DCHS1: variants seen among roughly 807,000 people sequenced by gnomAD.
DCHS1 encodes the protein protocadherin-16.
DCHS1 carries 78 observed loss-of-function variants against 213.9 expected under a neutral mutation model. That is an observed-to-expected ratio of 0.36 (90% CI 0.30 to 0.44). The LOEUF (loss-of-function observed/expected upper bound fraction) is 0.44. DCHS1 is among the 20% of genes least tolerant of loss of function. DCHS1 has a pLI of 1.00. For missense variants in DCHS1, 3,946 were observed against 4,395.9 expected (o/e 0.90, Z 2.89); for synonymous variants, 1,828 against 1,873.7 (o/e 0.98, Z 0.63).
chr11:6,623,651 A>T lies in DCHS1; in HGVS notation c.8025T>A (p.Leu2675=). The T allele has an allele frequency of 6.2e-7, 1 of 1,613,830 alleles. No individual in the cohort carries two copies. Among genetic ancestry groups the T allele is most frequent in the East Asian group, 2.2e-5 (1 of 44,878 alleles). Residue 2675 remains leucine (L), a synonymous_variant, in exon 21 of 21, where the codon CTT becomes CTA. Transcript: ENST00000299441. ...LDCETQARHQ[L]VVQAADPAGA... is the part of the protein sequence containing the mutation. ...CAGCAGGGTCAGCAGCCTGTACTAC[A>T]AGCTGATGTCGAGCCTGGGTCTCAC... is the stretch of plus-strand genomic sequence containing the variant.
chr11:6,635,634 C>G (rs1479603803), intron 2 of DCHS1, among the ~76,000 whole-genome samples: 1 of 152,144 alleles, frequency 6.6e-6, no homozygotes, highest in African/African-American at 2.4e-5. Context: ...ATGGCTGAAC[C>G]CTGGAAACAG....
At chr11:6,654,313 T>C (rs1171319093) in intron 1 of DCHS1, among the ~76,000 whole-genome samples, 1 of 152,160 alleles carries the variant, frequency 6.6e-6, no homozygotes, top group Non-Finnish European at 1.5e-5. Context: ...ACCCACTATG[T>C]ATGGGCAGCT....
At chr11:6,633,751 G>A (rs1292781312) in intron 4 of DCHS1, 38 bp downstream of exon 4, 2 of 1,600,990 alleles carry the variant, frequency 1.2e-6, no homozygotes, top group Non-Finnish European at 1.7e-6. Flanking sequence ...TGGGGAGGGG[G>A]ACCTGGGGGA....
chr11:6,640,785 C>T lies in DCHS1; in HGVS notation c.829G>A (p.Val277Met), dbSNP rs1212651465. ...SLAPGSPVLQ[V>M]FASDADAGVN... is the part of the protein sequence containing the mutation. ...CCAGCATCGGCATCAGATGCGAACACCTGCAAGACAGGACTGCCAGGGGCC... is the reference window on the plus strand; with the variant it reads ...CCAGCATCGGCATCAGATGCGAACATCTGCAAGACAGGACTGCCAGGGGCC... Residue 277 changes from valine to methionine, a missense_variant, in exon 2 of 21, where the codon GTG (valine) becomes ATG (methionine). By Grantham distance (21) the Val-to-Met change is conservative. This residue lies in a region of DCHS1 where 3,384 missense variants were observed against 3,780.1 expected (regional missense o/e 0.90). Coordinates refer to ENST00000299441, the MANE Select transcript of DCHS1 (RefSeq NM_003737.4). The surrounding 1 kb of genome is among the most constrained non-coding windows in gnomAD (Gnocchi z 6.5). 1.2e-6 allele frequency: 2 copies of T among 1,613,918 alleles called. No homozygotes were observed. Among genetic ancestry groups the T allele is most frequent in the Admixed American group, 1.7e-5 (1 of 60,008 alleles).
chr11:6,623,915 T>C lies in DCHS1; in HGVS notation c.7761A>G (p.Pro2587=). ...TGACATCTAGTACAGTGACAGTGAC[T>C]GGCACGACTGAGCTTTGGGGTGGCT... ...RGQPPQSSVV[P]VTVTVLDVND... The change falls in exon 21 of 21, where the codon CCA becomes CCG. Residue 2587 remains proline (P), a synonymous_variant. Transcript: ENST00000299441. 6.2e-7 allele frequency: 1 copy of C among 1,608,508 alleles called. No homozygotes were observed. Among genetic ancestry groups the C allele is most frequent in the Non-Finnish European group, 8.5e-7 (1 of 1,175,888 alleles).
chr11:6,638,016 C>T (rs1294324758), intron 2 of DCHS1, among the ~76,000 whole-genome samples: 1 of 152,170 alleles, frequency 6.6e-6, no homozygotes, highest in Non-Finnish European at 1.5e-5. Flanking sequence ...GGAGAGTTGC[C>T]CTCTTGCTTC....
Position 6,632,651 on chromosome 11 carries a change from C to T in DCHS1, c.2861G>A (p.Arg954Lys), listed in dbSNP as rs1236095684. 1.3e-6 allele frequency: 2 copies of T among 1,564,248 alleles called. No homozygotes were observed. Among genetic ancestry groups the T allele is most frequent in the Non-Finnish European group, 1.7e-6 (2 of 1,153,202 alleles). The change falls in exon 6 of 21, where the codon AGG (arginine) becomes AAG (lysine). Residue 954 changes from arginine to lysine, a missense_variant. Arg to Lys is a conservative substitution (Grantham distance 26). This residue lies in a region of DCHS1 where 3,384 missense variants were observed against 3,780.1 expected (regional missense o/e 0.90). Transcript: ENST00000299441. The surrounding 1 kb of genome is among the most constrained non-coding windows in gnomAD (Gnocchi z 5.9). Reference sequence around the variant, plus strand: ...TGGCCCTCCTGAGGGCCCCAGAGGCCTCATAAGCCGTACATGGCCTGTGGT... The same window carrying T: ...TGGCCCTCCTGAGGGCCCCAGAGGCTTCATAAGCCGTACATGGCCTGTGGT... ...DPTTGHVRLM[R>K]PLGPSGGPAH...
rs372437045 is a variant in DCHS1 at position 6,629,586 on chromosome 11, G to A, written c.5036-9C>T. ...CACTTGCCCGTTGGCCCCTGAGGAG[G>A]GGCAGCATGGAGGGCGATCAGAGGG... On this transcript the variant is annotated splice_polypyrimidine_tract_variant and intron_variant, in intron 11 of 20. Transcript: ENST00000299441. The A allele has an allele frequency of 1.9e-6, 3 of 1,613,618 alleles. No homozygotes were observed. The highest frequency in any genetic ancestry group is 8.5e-7 in the Non-Finnish European group (1 of 1,179,748).
chr11:6,629,809 T>C lies in DCHS1; in HGVS notation c.4898A>G (p.Gln1633Arg), dbSNP rs772857722. 3.0e-5 allele frequency: 49 copies of C among 1,613,386 alleles called. No homozygotes were observed. Among genetic ancestry groups the C allele is most frequent in the Non-Finnish European group, 4.1e-5 (48 of 1,179,900 alleles). Residue 1633 changes from glutamine to arginine, a missense_variant, in exon 11 of 21, where the codon CAG (glutamine) becomes CGG (arginine). Gln to Arg is a conservative substitution (Grantham distance 43). Transcript: ENST00000299441. ...GTCAGCGACACTGACGGTCAGGACC[T>C]GCGTGGCCGAGCGCGGCGGGGAGCC... ...DHGSPPRSAT[Q>R]VLTVSVADVN...
chr11:6,627,164 T>C lies in DCHS1; in HGVS notation c.5875A>G (p.Thr1959Ala). ...TVRDVNDHAP[T>A]FPTSPLRLRL... ...AGGCGCAGAGGACTGGTGGGGAAGG[T>C]GGGTGCATGGTCATTGACATCGCGC... Residue 1959 changes from threonine to alanine, a missense_variant, in exon 14 of 21, where the codon ACC (threonine) becomes GCC (alanine). By Grantham distance (58) the Thr-to-Ala change is moderately conservative (BLOSUM62 0). Coordinates refer to ENST00000299441, the MANE Select transcript of DCHS1 (RefSeq NM_003737.4). This position sits in a 1 kb window ranked among gnomAD's most constrained non-coding sequence, Gnocchi z 5.4. The C allele has an allele frequency of 6.2e-7, 1 of 1,611,826 alleles. No homozygotes were observed. The highest frequency in any genetic ancestry group is 8.5e-7 in the Non-Finnish European group (1 of 1,178,752).
intron 1 of DCHS1, among the ~76,000 whole-genome samples, chr11:6,652,143 C>G (rs1856254113): frequency 6.6e-6 from 1 of 152,168 alleles, no homozygotes; most frequent in Non-Finnish European, 1.5e-5. Context: ...AGAAGAGATA[C>G]ATACCATAAT....
chr11:6,629,891 G>C lies in DCHS1; in HGVS notation c.4816C>G (p.Pro1606Ala). The C allele has an allele frequency of 6.2e-7, 1 of 1,612,594 alleles. No individual in the cohort carries two copies. Among genetic ancestry groups the C allele is most frequent in the East Asian group, 2.2e-5 (1 of 44,856 alleles). The change falls in exon 11 of 21, where the codon CCG becomes GCG. Residue 1606 changes from proline to alanine, a missense_variant. By Grantham distance (27) the Pro-to-Ala change is conservative. Coordinates refer to ENST00000299441, the MANE Select transcript of DCHS1 (RefSeq NM_003737.4). ...SSTGALSVVR[P>A]LDREQRAEHV... ...TCAGCTCGTTGTTCGCGGTCCAACG[G>C]CCGCACCACGGACAGCGCTCCTAGG...
At chr11:6,654,426 T>C (rs1220460445) in intron 1 of DCHS1, among the ~76,000 whole-genome samples, 1 of 152,176 alleles carries the variant, frequency 6.6e-6, no homozygotes, top group African/African-American at 2.4e-5. Flanking sequence ...CTGGTCTACT[T>C]GTTTGTTGCT....
At chr11:6,647,526 C>A (rs1856180916) in intron 1 of DCHS1, among the ~76,000 whole-genome samples, 1 of 152,152 alleles carries the variant, frequency 6.6e-6, no homozygotes, top group Non-Finnish European at 1.5e-5. Flanking sequence ...CAGATGTGAG[C>A]AAAAGAGGCA....
chr11:6,630,101 G>A lies in DCHS1; in HGVS notation c.4693C>T (p.Leu1565=), dbSNP rs1855875497. 1 of 1,602,292 alleles carries A rather than the reference G, an allele frequency of 6.2e-7. No individual in the cohort carries two copies. Among genetic ancestry groups the A allele is most frequent in the Non-Finnish European group, 8.5e-7 (1 of 1,172,934 alleles). Residue 1565 remains leucine, a synonymous_variant, in exon 10 of 21, where the codon CTG becomes TTG. Coordinates refer to ENST00000299441, the MANE Select transcript of DCHS1 (RefSeq NM_003737.4). ...TCCGGGTCCCGGGCTACCACGTGCA[G>A]GGCCGCGGGCCCAGGCGGCTGGTCC... is the stretch of plus-strand genomic sequence containing the variant. ...PEDQPPGPAA[L]HVVARDPDLG... is the part of the protein sequence containing the mutation.
At chr11:6,629,417 C>G (rs1855864462) in intron 12 of DCHS1, 35 bp downstream of exon 12, 2 of 1,609,306 alleles carry the variant, frequency 1.2e-6, no homozygotes, top group Non-Finnish European at 1.7e-6. Context: ...TTTACAACAC[C>G]TCACTCAGGC....
At chr11:6,649,044 A>G (rs147405148) in intron 1 of DCHS1, among the ~76,000 whole-genome samples, 29 of 152,218 alleles carry the variant, frequency 1.9e-4, no homozygotes, top group Non-Finnish European at 3.4e-4. Context: ...AATAATGCTA[A>G]CAATAAACAT....
Position 6,640,696 on chromosome 11 carries a change from G to A in DCHS1, c.918C>T (p.Ser306=). 3 of 1,613,676 alleles carry A rather than the reference G, an allele frequency of 1.9e-6. No homozygotes were observed. The highest frequency in any genetic ancestry group is 1.7e-6 in the Non-Finnish European group (2 of 1,179,892). Residue 306 remains serine, a synonymous_variant, in exon 2 of 21, where the codon TCC becomes TCT. Transcript: ENST00000299441. The surrounding 1 kb of genome is among the most constrained non-coding windows in gnomAD (Gnocchi z 6.5). ...RRQSEGDGPF[S]IDAHTGLLQL... ...GCAGCAGCCCCGTGTGTGCGTCGAT[G>A]GAGAAGGGTCCATCACCCTCGCTCT...
chr11:6,635,344 CCTT>C (rs1381320995), intron 2 of DCHS1: 1 of 152,166 alleles, frequency 6.6e-6, no homozygotes, highest in Non-Finnish European at 1.5e-5. Context: ...TGTAACAAAA[CCTT>C]CTTTCACACT....
Sources: allele counts gnomAD v4.1 joint callset (sites outside exome capture counted in the v4.1 genomes callset), GRCh38; gene constraint gnomAD v4.1.1; regional missense constraint gnomAD v4.1.1; non-coding constraint Gnocchi (gnomAD v3.1); transcripts MANE v1.5; gene names NCBI Gene and HGNC (gene_info 2026-07-23, HGNC 2026-07-21).